The following RESF1 variants were observed in gnomAD, a reference collection of about 807,000 sequenced individuals.
The protein encoded by RESF1 is retroelement silencing factor 1.
RESF1 carries 65 observed loss-of-function variants against 134.7 expected under a neutral mutation model. That is an observed-to-expected ratio of 0.48 (90% confidence interval 0.40 to 0.59). The LOEUF is 0.59. RESF1 is among the 20% of genes least tolerant of loss of function. The probability of loss-of-function intolerance (pLI) is 0.00; values close to 1 mark genes in which losing one functional copy is unlikely to be tolerated. For synonymous variants in RESF1, 762 were observed against 702.2 expected, an observed-to-expected ratio of 1.09 and a Z score of -1.35; for missense variants, 2,274 against 2,002.7, an observed-to-expected ratio of 1.14 and a Z score of -2.59.
Position 31,984,354 on chromosome 12 carries a change from A to G in RESF1, c.3399A>G (p.Glu1133=). The G allele has an allele frequency of 6.2e-7, 1 of 1,614,110 alleles. No homozygotes were observed. Among genetic ancestry groups the G allele is most frequent in the Non-Finnish European group, 8.5e-7 (1 of 1,180,022 alleles). ...DQPYVVDKLA[E]PQKEEPITEV... is the part of the protein sequence containing the mutation. ...CCTATGTAGTAGACAAGTTGGCAGA[A>G]CCTCAGAAAGAAGAGCCCATCACAG... is the stretch of plus-strand genomic sequence containing the variant. The change falls in exon 4 of 6, where the codon GAA becomes GAG. Residue 1133 remains glutamate (E), a synonymous_variant. Transcript: ENST00000312561.
Position 31,981,273 on chromosome 12 carries a change from C to T in RESF1, c.318C>T (p.His106=), listed in dbSNP as rs2388981. 8.7e-6 allele frequency: 14 copies of T among 1,613,904 alleles called. No homozygotes were observed. The Admixed American group carries it at 1.0e-4, about 12-fold the overall frequency. The change falls in exon 4 of 6, where the codon CAC becomes CAT. Residue 106 remains histidine, a synonymous_variant. Transcript: ENST00000312561. ...TTAATGGACCCAAACAACTAACTCACAATTTGCAGATGTCTTCAGGAGTTA... is the reference window on the plus strand; with the variant it reads ...TTAATGGACCCAAACAACTAACTCATAATTTGCAGATGTCTTCAGGAGTTA... The part of the protein sequence containing the change: ...ANVNGPKQLT[H]NLQMSSGVTQ...
At chr12:31,975,377 T>C (rs1939609925) in intron 3 of RESF1, among the ~76,000 whole-genome samples, 1 of 152,254 alleles carries the variant, frequency 6.6e-6, no homozygotes, top group Non-Finnish European at 1.5e-5. Flanking sequence ...CAACTTGGAT[T>C]AGTCATACTG....
intron 3 of RESF1, among the ~76,000 whole-genome samples, chr12:31,974,045 C>CT (rs1939573838): frequency 6.6e-6 from 1 of 152,020 alleles, no homozygotes; most frequent in Non-Finnish European, 1.5e-5. Context: ...GATTAATTTG[C>CT]TAGAGCTCAC....
intron 3 of RESF1, among the ~76,000 whole-genome samples, chr12:31,975,279 A>G (rs954411488): frequency 6.6e-6 from 1 of 152,166 alleles, no homozygotes; most frequent in African/African-American, 2.4e-5. Flanking sequence ...AAAAAGAAAA[A>G]GAAAACTGAG....
chr12:31,971,590 T>C (rs546933724), intron 3 of RESF1, among the ~76,000 whole-genome samples: 2 of 152,368 alleles, frequency 1.3e-5, no homozygotes, highest in East Asian at 1.9e-4. Flanking sequence ...CTCTGTCTTT[T>C]GGATTGTGAT....
rs1177719572 is a variant in RESF1 at position 31,982,983 on chromosome 12, T to G, written c.2028T>G (p.Cys676Trp). ...GTTCCATGGAAGTGCTAGCAACCTG[T>G]CTTTCCCTGTGGAAAAAGCAACCTT... Reference protein sequence around the residue: ...SSCSMEVLATCLSLWKKQPSD... With the variant: ...SSCSMEVLATWLSLWKKQPSD... Residue 676 changes from cysteine (C) to tryptophan (W), a missense_variant, in exon 4 of 6, where the codon TGT becomes TGG. By Grantham distance (215) the Cys-to-Trp change is radical (BLOSUM62 -2). Coordinates refer to ENST00000312561, the MANE Select transcript of RESF1 (RefSeq NM_018169.4). The G allele has an allele frequency of 1.2e-6, 2 of 1,614,038 alleles. No individual in the cohort carries two copies. The highest frequency in any genetic ancestry group is 2.7e-5 in the African/African-American group (2 of 74,940).
Position 31,982,656 on chromosome 12 carries a change from C to G in RESF1, c.1701C>G (p.Ser567=). Residue 567 remains serine (S), a synonymous_variant, in exon 4 of 6, where the codon TCC becomes TCG. Transcript: ENST00000312561. ...AVCETISVPK[S]MSTEEYKSKI... is the part of the protein sequence containing the mutation. ...GTGAAACAATTTCTGTTCCCAAGTC[C>G]ATGTCCACTGAGGAATATAAATCAA... 1 of 1,614,080 alleles carries G rather than the reference C, an allele frequency of 6.2e-7. No individual in the cohort carries two copies. Among genetic ancestry groups the G allele is most frequent in the Non-Finnish European group, 8.5e-7 (1 of 1,180,024 alleles).
chr12:31,974,076 A>G lies in RESF1; in HGVS notation c.-79+3720A>G, dbSNP rs541629411. ...CTCACAGAACTCAGGGAAATAGTTT[A>G]CTTATTATAAAGCCTATTAGATGAA... On this transcript the variant is annotated intron_variant, in intron 3 of 5. Transcript: ENST00000312561. Among the ~76,000 whole-genome samples, 9 of 152,082 alleles carry G rather than the reference A, an allele frequency of 5.9e-5. No homozygotes were observed. The South Asian group carries it at 8.3e-4, about 14-fold the overall frequency.
At chr12:31,987,084 A>G (rs142374347) in intron 4 of RESF1, 155 bp from the exon 5 acceptor site, 1 of 555,952 alleles carries the variant, frequency 1.8e-6, no homozygotes, top group East Asian at 3.3e-5. Context: ...TCAAATAGAA[A>G]TCATTTTTCC....
At chr12:31,962,947 A>C (rs941162648) in intron 2 of RESF1, among the ~76,000 whole-genome samples, 4 of 152,016 alleles carry the variant, frequency 2.6e-5, no homozygotes, top group African/African-American at 9.7e-5. Flanking sequence ...AAAGTACAAA[A>C]AATTAGCCAG....
In RESF1 at chr12:31,992,408, G is replaced by A. The variant is rs766911716; in HGVS notation, c.5117G>A (p.Ser1706Asn). The A allele has an allele frequency of 4.3e-6, 7 of 1,612,972 alleles. No homozygotes were observed. Among genetic ancestry groups the A allele is most frequent in the Non-Finnish European group, 5.1e-6 (6 of 1,179,614 alleles). Residue 1706 changes from serine to asparagine, a missense_variant, in exon 6 of 6, where the codon AGC becomes AAC. Physicochemically the swap from Ser to Asn is conservative, Grantham distance 46. Coordinates refer to ENST00000312561, the MANE Select transcript of RESF1 (RefSeq NM_018169.4). ...DNVNSRLSKR[S>N]FSADGFEMLQ... ...GTTAATTCAAGACTCTCGAAGAGAAGCTTCAGTGCAGATGGATTTGAGATG... is the reference window on the plus strand; with the variant it reads ...GTTAATTCAAGACTCTCGAAGAGAAACTTCAGTGCAGATGGATTTGAGATG...
chr12:31,990,809 A>G (rs1940078983), intron 5 of RESF1, among the ~76,000 whole-genome samples: 1 of 152,192 alleles, frequency 6.6e-6, no homozygotes. Context: ...TCTGGGAAAT[A>G]GTGAATTATA....
rs374774496 is a variant in RESF1, at chr12:31,992,400, G to A, written c.5109G>A (p.Ser1703=). The change falls in exon 6 of 6, where the codon TCG becomes TCA. Residue 1703 remains serine (S), a synonymous_variant. Coordinates refer to ENST00000312561, the MANE Select transcript of RESF1 (RefSeq NM_018169.4). ...TAGATAATGTTAATTCAAGACTCTC[G>A]AAGAGAAGCTTCAGTGCAGATGGAT... ...QERDNVNSRL[S]KRSFSADGFE... 114 of 1,612,290 alleles carry A rather than the reference G, an allele frequency of 7.1e-5. No homozygotes were observed. The highest frequency in any genetic ancestry group is 1.6e-4 in the Middle Eastern group (1 of 6,078).
chr12:31,990,367 C>T (rs985570321), intron 5 of RESF1, among the ~76,000 whole-genome samples: 4 of 152,110 alleles, frequency 2.6e-5, no homozygotes, highest in African/African-American at 4.8e-5. Context: ...CACAACAAGA[C>T]GCAAATAGGT....
chr12:31,969,085 C>T (rs1000988205), intron 2 of RESF1, among the ~76,000 whole-genome samples: 5 of 152,140 alleles, frequency 3.3e-5, no homozygotes, highest in African/African-American at 1.2e-4. Context: ...GGAATATAGG[C>T]GTGTACCACC....
At chr12:31,988,523 C>T (rs1205710016) in intron 5 of RESF1, among the ~76,000 whole-genome samples, 3 of 152,110 alleles carry the variant, frequency 2.0e-5, no homozygotes, top group African/African-American at 4.8e-5. Context: ...ACTTAAGCAT[C>T]CCCAGATTTT....
Position 31,983,166 on chromosome 12 carries a change from T to C in RESF1, c.2211T>C (p.Ala737=), listed in dbSNP as rs533047029. 1.4e-5 allele frequency: 23 copies of C among 1,611,522 alleles called. No homozygotes were observed. In the South Asian group the frequency reaches 2.4e-4, roughly 17 times the overall value. ...TAAGTAATCCCTCACAGCAGACAGC[T>C]TTGTCGATGGTAATGCACAATTATG... is the stretch of plus-strand genomic sequence containing the variant. ...NKISNPSQQT[A]LSMVMHNYES... is the part of the protein sequence containing the mutation. Residue 737 remains alanine (A), a synonymous_variant, in exon 4 of 6, where the codon GCT becomes GCC. Coordinates refer to ENST00000312561, the MANE Select transcript of RESF1 (RefSeq NM_018169.4).
rs1382255400 is a variant in RESF1 at position 31,983,939 on chromosome 12, AAAG to A, written c.2985_2987del (p.Lys995_Ser996delinsAsn). 1.2e-6 allele frequency: 2 copies of A among 1,613,858 alleles called. No homozygotes were observed. The highest frequency in any genetic ancestry group is 1.7e-6 in the Non-Finnish European group (2 of 1,179,956). On this transcript the variant is annotated inframe_deletion, in exon 4 of 6. Coordinates refer to ENST00000312561, the MANE Select transcript of RESF1 (RefSeq NM_018169.4). Reference sequence around the variant, plus strand: ...GAAACAAACAGAGTTATTCTAGAGAAAAGTAGTTTGGAGCATGCCACTGAAAAA... The same window carrying A: ...GAAACAAACAGAGTTATTCTAGAGAATAGTTTGGAGCATGCCACTGAAAAA...
chr12:31,960,514 C>T (rs1240864279), intron 1 of RESF1, among the ~76,000 whole-genome samples: 1 of 152,070 alleles, frequency 6.6e-6, no homozygotes, highest in Non-Finnish European at 1.5e-5. Flanking sequence ...AAGACAAGTG[C>T]AGAGATAAAG....
Sources: allele counts gnomAD v4.1 joint callset (sites outside exome capture counted in the v4.1 genomes callset), GRCh38; gene constraint gnomAD v4.1.1; transcripts MANE v1.5; gene names NCBI Gene and HGNC (gene_info 2026-07-23, HGNC 2026-07-21).